Variants in PDE4D observed in about 807,000 individuals in gnomAD.
PDE4D encodes the protein 3',5'-cyclic-AMP phosphodiesterase 4D.
In PDE4D, 24 loss-of-function variants were observed where a neutral mutation model predicts 87.4. The ratio of observed to expected loss-of-function variants is 0.27; its 90% CI spans 0.20 to 0.39. The LOEUF (loss-of-function observed/expected upper bound fraction) is 0.39. Ranked by LOEUF, PDE4D falls within the 10% of genes least tolerant of loss-of-function variation. The pLI, the probability that PDE4D is intolerant of heterozygous loss-of-function variation, is 1.00. For synonymous variants in PDE4D, 384 were observed against 383.2 expected, an observed-to-expected ratio of 1.00 and a Z score of -0.02; for missense variants, 714 against 1,041.0, an observed-to-expected ratio of 0.69 and a Z score of 4.32.
chr5:59,742,867 A>G (rs929196022), intron 1 of PDE4D, among the ~76,000 whole-genome samples: 3 of 152,336 alleles, frequency 2.0e-5, no homozygotes, highest in Admixed American at 2.0e-4. Context: ...TGGGAAACAT[A>G]GTTAATATTT....
intron 1 of PDE4D, among the ~76,000 whole-genome samples, chr5:59,651,298 A>C (rs892426310): frequency 6.8e-6 from 1 of 147,702 alleles, no homozygotes; most frequent in Non-Finnish European, 1.5e-5. Context: ...TAATAATAAT[A>C]ATAATAATTG....
intron 1 of PDE4D, among the ~76,000 whole-genome samples, chr5:59,469,015 G>A (rs1337054086): frequency 6.6e-6 from 1 of 152,052 alleles, no homozygotes; most frequent in African/African-American, 2.4e-5. Context: ...ACATTTTTGC[G>A]GTACTAACAT....
chr5:60,028,231 T>C (rs1434314412), intron 2 of PDE4D, among the ~76,000 whole-genome samples: 1 of 152,130 alleles, frequency 6.6e-6, no homozygotes, highest in African/African-American at 2.4e-5. Flanking sequence ...ATCTTTTCTG[T>C]CTCTCAACTT....
intron 1 of PDE4D, among the ~76,000 whole-genome samples, chr5:59,464,705 C>T (rs945721731): frequency 1.3e-5 from 2 of 152,122 alleles, no homozygotes; most frequent in African/African-American, 4.8e-5. Context: ...GTCTCTCGTT[C>T]CACCTAATGA....
At chr5:60,298,150 T>TAA (rs5868233) in intron 1 of PDE4D, among the ~76,000 whole-genome samples, 4,432 of 141,890 alleles carry the variant, frequency 0.031, 148 homozygotes, top group African/African-American at 0.086. Context: ...ACCAGAAAAA[T>TAA]AAAAAAAAAA....
At chr5:59,793,625 C>T (rs1463865024) in intron 1 of PDE4D, among the ~76,000 whole-genome samples, 3 of 152,034 alleles carry the variant, frequency 2.0e-5, no homozygotes, top group Admixed American at 1.3e-4. Flanking sequence ...AATGGTTCAA[C>T]CAAAAAGAAA....
At chr5:59,043,451 A>G (rs1036885323) in intron 5 of PDE4D, among the ~76,000 whole-genome samples, 1 of 152,194 alleles carries the variant, frequency 6.6e-6, no homozygotes, top group Admixed American at 6.5e-5. Context: ...TGAACCCGGC[A>G]GGCAGAGGTT....
At chr5:59,167,828 T>A (rs1034537048) in intron 5 of PDE4D, among the ~76,000 whole-genome samples, 2 of 152,186 alleles carry the variant, frequency 1.3e-5, no homozygotes, top group Admixed American at 1.3e-4. Context: ...GGTATTTTAT[T>A]CATCCTTGGG....
Position 58,975,952 on chromosome 5 carries a change from G to A in PDE4D, c.1831-113C>T. 1.3e-6 allele frequency: 1 copy of A among 772,120 alleles called. No homozygotes were observed. Among genetic ancestry groups the A allele is most frequent in the Non-Finnish European group, 1.9e-6 (1 of 518,306 alleles). The allele number at this position is 772,120 out of a possible 1,614,324, so 47.8% of individuals were successfully genotyped here. A position where few individuals can be genotyped will look rare whatever the true frequency, so the allele number is the denominator to read the frequency against. ...ACTGCAACACTTAAAAATACACGTA[G>A]TGTAAGATTTATTCCAAACAGCTCA... On this transcript the variant is annotated intron_variant, in intron 13 of 14. Transcript: ENST00000340635. The surrounding 1 kb of genome is among the most constrained non-coding windows in gnomAD (Gnocchi z 4.2).
intron 1 of PDE4D, chr5:60,430,723 G>C (rs1455055968): frequency 5.1e-5 from 14 of 277,220 alleles, no homozygotes; most frequent in South Asian, 5.0e-4. Flanking sequence ...GGGTACTTGA[G>C]ATTAGGGAGT....
chr5:59,842,913 T>G (rs1743236513), intron 1 of PDE4D, among the ~76,000 whole-genome samples: 1 of 152,048 alleles, frequency 6.6e-6, no homozygotes, highest in South Asian at 2.1e-4. Context: ...CTCATCTATA[T>G]TCATAAATGT....
chr5:60,377,834 T>C (rs954017057), intron 1 of PDE4D, among the ~76,000 whole-genome samples: 3 of 152,196 alleles, frequency 2.0e-5, no homozygotes, highest in African/African-American at 4.8e-5. Flanking sequence ...AAGTAAAATA[T>C]ATTAACAGGA....
chr5:59,017,131 C>G (rs886776540), intron 6 of PDE4D, among the ~76,000 whole-genome samples: 1 of 152,108 alleles, frequency 6.6e-6, no homozygotes, highest in South Asian at 2.1e-4. Context: ...GGAATGAGAG[C>G]CGAGGCAAGT....
chr5:60,092,642 A>C (rs773188978), intron 2 of PDE4D, among the ~76,000 whole-genome samples: 6 of 152,112 alleles, frequency 3.9e-5, no homozygotes, highest in Admixed American at 2.6e-4. Context: ...TAAAAAAAAA[A>C]AACACTCTGA....
intron 1 of PDE4D, among the ~76,000 whole-genome samples, chr5:59,522,898 C>T (rs574659313): frequency 2.0e-5 from 3 of 152,122 alleles, no homozygotes; most frequent in Non-Finnish European, 4.4e-5. Context: ...GTTGTATACA[C>T]CATTTAGAAA....
At chr5:59,019,016 T>C (rs1192615498) in intron 6 of PDE4D, among the ~76,000 whole-genome samples, 1 of 151,166 alleles carries the variant, frequency 6.6e-6, no homozygotes, top group Non-Finnish European at 1.5e-5. Context: ...CTTAGATACA[T>C]AGCCTTACCT....
At chr5:59,636,736 C>A (rs1449687024) in intron 1 of PDE4D, among the ~76,000 whole-genome samples, 1 of 152,174 alleles carries the variant, frequency 6.6e-6, no homozygotes, top group Non-Finnish European at 1.5e-5. Context: ...TTCCTTACAC[C>A]TTATACAAAA....
chr5:60,473,167 G>GGAAC (rs1747976527), intron 1 of PDE4D, among the ~76,000 whole-genome samples: 1 of 107,312 alleles, frequency 9.3e-6, no homozygotes, highest in Non-Finnish European at 1.9e-5. Context: ...AAGGAAGGAA[G>GGAAC]GAAGGAAGGA....
intron 5 of PDE4D, among the ~76,000 whole-genome samples, chr5:59,082,494 G>T (rs1766937412): frequency 6.6e-6 from 1 of 152,002 alleles, no homozygotes; most frequent in Non-Finnish European, 1.5e-5. Context: ...TGATTTATAA[G>T]AAAGGTCAAA....
Sources: allele counts gnomAD v4.1 joint callset (sites outside exome capture counted in the v4.1 genomes callset), GRCh38; gene constraint gnomAD v4.1.1; non-coding constraint Gnocchi (gnomAD v3.1); transcripts MANE v1.5; gene names NCBI Gene and HGNC (gene_info 2026-07-23, HGNC 2026-07-21).